ACACB: variants seen among roughly 807,000 people sequenced by gnomAD.
ACACB encodes acetyl-CoA carboxylase 2.
ACACB carries 209 observed loss-of-function variants against 278.8 expected under a neutral mutation model. The observed-to-expected ratio is 0.75, with a 90% confidence interval of 0.67 to 0.84. The LOEUF (loss-of-function observed/expected upper bound fraction) is 0.84, where lower values mean the gene tolerates loss of function less well. Among genes scored for constraint, ACACB ranks in the 40% least tolerant of loss-of-function variants. The pLI is 0.00. For synonymous variants in ACACB, 1,174 were observed against 1,285.6 expected (o/e 0.91, Z 1.86); for missense variants, 2,850 against 3,269.0 (o/e 0.87, Z 3.13).
At chr12:109,211,954 T>C (rs1206403314) in intron 21 of ACACB, among the ~76,000 whole-genome samples, 1 of 152,160 alleles carries the variant, frequency 6.6e-6, no homozygotes, top group Non-Finnish European at 1.5e-5. Flanking sequence ...ACCGATAACA[T>C]TATGTGTAAT....
chr12:109,144,139 C>A (rs1314491433), intron 2 of ACACB, among the ~76,000 whole-genome samples: 1 of 151,984 alleles, frequency 6.6e-6, no homozygotes, highest in Non-Finnish European at 1.5e-5. Context: ...ATGGTGAAAC[C>A]CCATCTCTAT....
intron 19 of ACACB, among the ~76,000 whole-genome samples, chr12:109,202,664 T>C (rs1054481585): frequency 1.3e-5 from 2 of 152,206 alleles, no homozygotes; most frequent in Non-Finnish European, 2.9e-5. Flanking sequence ...TTAACTATTA[T>C]TGCACGAGCA....
chr12:109,241,412 A>T, intron 36 of ACACB, 131 bp downstream of exon 36: 2 of 896,636 alleles, frequency 2.2e-6, no homozygotes, highest in Non-Finnish European at 3.5e-6. Flanking sequence ...GGGTTGGGGT[A>T]GCCCCCTCTG....
intron 2 of ACACB, among the ~76,000 whole-genome samples, chr12:109,143,465 A>AAC (rs1420485017): frequency 4.9e-5 from 5 of 101,258 alleles, no homozygotes; most frequent in Non-Finnish European, 9.0e-5. Context: ...CCTGTCTCAA[A>AAC]AAAAAAAAAA....
rs2047556539 is a variant in ACACB, at chr12:109,268,020, G to A, written c.*1658G>A. ...AGGTGGGGCGGGGCAGTGAGGGGTGGGAGAAGGTGAATGATTCATTATTCC... is the reference window on the plus strand; with the variant it reads ...AGGTGGGGCGGGGCAGTGAGGGGTGAGAGAAGGTGAATGATTCATTATTCC... On this transcript the variant is annotated 3_prime_UTR_variant, in exon 53 of 53. Coordinates refer to ENST00000338432, the MANE Select transcript of ACACB (RefSeq NM_001093.4). The surrounding 1 kb of genome is among the most constrained non-coding windows in gnomAD (Gnocchi z 4.2). 1 of 152,120 alleles carries A rather than the reference G, an allele frequency of 6.6e-6. No individual in the cohort carries two copies. Among genetic ancestry groups the A allele is most frequent in the African/African-American group, 2.4e-5 (1 of 41,418 alleles). The allele number at this position is 152,120 out of a possible 1,614,324, so 9.4% of individuals were successfully genotyped here.
At chr12:109,259,851 G>A (rs548497256) in intron 47 of ACACB, among the ~76,000 whole-genome samples, 23 of 152,248 alleles carry the variant, frequency 1.5e-4, no homozygotes, top group African/African-American at 5.5e-4. Context: ...GGATCACTGG[G>A]GTGTTGAGGA....
chr12:109,237,506 C>A, intron 34 of ACACB, 126 bp downstream of exon 34: 1 of 1,011,046 alleles, frequency 9.9e-7, no homozygotes, highest in Non-Finnish European at 1.5e-6. Context: ...CAGGGTCCTG[C>A]CCTTGCTATG....
At chr12:109,250,205 C>T (rs573959582) in intron 41 of ACACB, 101 bp downstream of exon 41, 303 of 1,252,704 alleles carry the variant, frequency 2.4e-4, no homozygotes, top group Non-Finnish European at 3.1e-4. Context: ...CCCATGTGCC[C>T]GTCACATACC....
chr12:109,236,822 T>C (rs1288592814), intron 33 of ACACB, among the ~76,000 whole-genome samples: 1 of 151,406 alleles, frequency 6.6e-6, no homozygotes, highest in Non-Finnish European at 1.5e-5. Flanking sequence ...AAACCAGGGG[T>C]TAGTGGCTTC....
chr12:109,185,856 A>C, intron 12 of ACACB, 116 bp downstream of exon 12: 5 of 1,051,412 alleles, frequency 4.8e-6, no homozygotes, highest in Non-Finnish European at 5.3e-6. Flanking sequence ...TCAGTTTACA[A>C]ATGGGGAAAC....
Position 109,166,670 on chromosome 12 carries a change from AAAAAAAAC to A in ACACB, c.654-190_654-183del, listed in dbSNP as rs1489061580. On this transcript the variant is annotated intron_variant, in intron 2 of 52. Coordinates refer to ENST00000338432, the MANE Select transcript of ACACB (RefSeq NM_001093.4). ...GTCTCAAAAAAAAAAAAAAAAAAAA[AAAAAAAAC>A]CGAAGGTGCTTCCTGCCCTTGAGCC... 4.8e-3 allele frequency among the ~76,000 whole-genome samples: 690 copies of A among 145,076 alleles called. 60 individuals carry two copies. The highest frequency in any genetic ancestry group is 8.3e-3 in the Non-Finnish European group (548 of 65,686).
chr12:109,223,804 A>G lies in ACACB; in HGVS notation c.3793-11A>G. ...TTACTTTTCCTTGTTTCCCCTTTTC[A>G]TTTCCCTTAGAAATTAATACTTTCG... On this transcript the variant is annotated splice_polypyrimidine_tract_variant and intron_variant, in intron 26 of 52. Transcript: ENST00000338432. The G allele has an allele frequency of 1.2e-6, 2 of 1,609,438 alleles. No individual in the cohort carries two copies. The highest frequency in any genetic ancestry group is 1.3e-5 in the African/African-American group (1 of 74,912).
Position 109,223,855 on chromosome 12 carries a change from C to G in ACACB, c.3833C>G (p.Pro1278Arg), listed in dbSNP as rs776133087. ...GAAACAACCATCTTCGACGTCCTGCCTACTTTCTTCTATCACGCAAACAAA... is the reference window on the plus strand; with the variant it reads ...GAAACAACCATCTTCGACGTCCTGCGTACTTTCTTCTATCACGCAAACAAA... The part of the protein sequence containing the change: ...LSETTIFDVL[P>R]TFFYHANKVV... The change falls in exon 27 of 53, where the codon CCT becomes CGT. Residue 1278 changes from proline to arginine, a missense_variant. Physicochemically the swap from Pro to Arg is moderately radical, Grantham distance 103 (BLOSUM62 -2). This residue lies in a region of ACACB where 2,265 missense variants were observed against 2,561.3 expected (regional missense o/e 0.88). Coordinates refer to ENST00000338432, the MANE Select transcript of ACACB (RefSeq NM_001093.4). The G allele has an allele frequency of 6.2e-7, 1 of 1,614,194 alleles. No homozygotes were observed. Among genetic ancestry groups the G allele is most frequent in the South Asian group, 1.1e-5 (1 of 91,082 alleles).
Position 109,245,677 on chromosome 12 carries a change from A to G in ACACB, c.5230A>G (p.Thr1744Ala), listed in dbSNP as rs1384753429. The G allele has an allele frequency of 6.2e-7, 1 of 1,614,058 alleles. No individual in the cohort carries two copies. Among genetic ancestry groups the G allele is most frequent in the Admixed American group, 1.7e-5 (1 of 60,004 alleles). ...SPDKYPKDIL[T>A]YTELVLDSQG... ...AGACAAGTATCCCAAAGACATCCTG[A>G]CATACACTGAATTAGTGTTGGACTC... Residue 1744 changes from threonine (T) to alanine (A), a missense_variant, in exon 38 of 53, where the codon ACA (threonine) becomes GCA (alanine). Transcript: ENST00000338432.
At chr12:109,114,392 C>T (rs576644786), upstream of ACACB, among the ~76,000 whole-genome samples, 261 of 152,152 alleles carry the variant, frequency 1.7e-3, 1 homozygote, top group African/African-American at 5.9e-3. Flanking sequence ...CTCCTCCAGC[C>T]TAGAGAAGCT....
intron 1 of ACACB, among the ~76,000 whole-genome samples, chr12:109,132,324 C>T (rs1474563933): frequency 6.6e-6 from 1 of 152,050 alleles, no homozygotes; most frequent in Non-Finnish European, 1.5e-5. Context: ...ACCACCACGC[C>T]CAGCTAATTT....
chr12:109,240,958 C>A, intron 35 of ACACB, 120 bp from the exon 36 acceptor site: 1 of 893,586 alleles, frequency 1.1e-6, no homozygotes, highest in Non-Finnish European at 1.8e-6. Flanking sequence ...GTTGGATACA[C>A]ACTATGTCCC....
At position 109,171,301 on chromosome 12, in the gene ACACB, A is replaced by G. The variant is rs140833934; in HGVS notation, c.926-504A>G. On this transcript the variant is annotated intron_variant, in intron 4 of 52. Transcript: ENST00000338432. ...GGCCTTCCAGGCCTTGTCCAGAAAC[A>G]TATCTGTATCACATAATTAAAATCA... Among the ~76,000 whole-genome samples the G allele has an allele frequency of 3.9e-3, 589 of 151,906 alleles. 4 individuals are homozygous for G. The highest frequency in any genetic ancestry group is 0.013 in the African/African-American group (543 of 41,450).
chr12:109,140,240 TTCC>T (rs1565857222), intron 2 of ACACB, among the ~76,000 whole-genome samples, 182 bp downstream of exon 2: 8 of 135,174 alleles, frequency 5.9e-5, no homozygotes, highest in East Asian at 2.0e-4. Flanking sequence ...CCTTCCTTCC[TTCC>T]TTCCTTCCTT....
Sources: gnomAD v4.1 joint callset for allele counts (sites outside exome capture counted in the v4.1 genomes callset) on GRCh38, gnomAD v4.1.1 for gene constraint, gnomAD v4.1.1 regional missense constraint, Gnocchi (gnomAD v3.1) non-coding constraint, MANE v1.5 for transcripts, NCBI Gene and HGNC (gene_info 2026-07-23, HGNC 2026-07-21) for gene names.